Variants in GPR158 observed in about 807,000 individuals in gnomAD.
GPR158 encodes the protein metabotropic glycine receptor.
Under a neutral mutation model 78.2 loss-of-function variants are expected in GPR158, and 30 were observed. The observed-to-expected ratio is 0.38, with a 90% CI of 0.29 to 0.52. The LOEUF is 0.52. GPR158 is among the 20% of genes least tolerant of loss of function. The probability of loss-of-function intolerance (pLI) is 0.83; values close to 1 mark genes in which losing one functional copy is unlikely to be tolerated. For missense variants in GPR158, 1,463 were observed against 1,523.5 expected (o/e 0.96, Z 0.66); for synonymous variants, 581 against 591.1 (o/e 0.98, Z 0.25).
intron 2 of GPR158, among the ~76,000 whole-genome samples, chr10:25,238,914 T>A (rs1377010088): frequency 2.0e-5 from 3 of 152,244 alleles, no homozygotes; most frequent in South Asian, 4.1e-4. Context: ...TGAGGACATG[T>A]GATCCTTCCT....
intron 2 of GPR158, among the ~76,000 whole-genome samples, chr10:25,317,051 AT>A (rs111929383): frequency 0.015 from 2,131 of 141,534 alleles, 40 homozygotes; most frequent in African/African-American, 0.044. Context: ...TTTTAAAGTA[AT>A]TTTTTTTTTT....
At chr10:25,581,217 C>T (rs1194696145) in intron 7 of GPR158, among the ~76,000 whole-genome samples, 1 of 152,106 alleles carries the variant, frequency 6.6e-6, no homozygotes, top group African/African-American at 2.4e-5. Context: ...CTTGAGCCAC[C>T]GCGCCCGGCG....
chr10:25,570,054 G>A (rs1418813162), intron 6 of GPR158, among the ~76,000 whole-genome samples: 1 of 152,160 alleles, frequency 6.6e-6, no homozygotes, highest in South Asian at 2.1e-4. Context: ...TCTGGAGAAT[G>A]TAGTCATTCA....
chr10:25,375,906 C>T (rs1249936446), intron 2 of GPR158, among the ~76,000 whole-genome samples: 1 of 151,362 alleles, frequency 6.6e-6, no homozygotes, highest in African/African-American at 2.4e-5. Flanking sequence ...AATAAGGTTC[C>T]TTATGTATAC....
At chr10:25,368,530 G>T (rs76842407) in intron 2 of GPR158, among the ~76,000 whole-genome samples, 9 of 151,764 alleles carry the variant, frequency 5.9e-5, no homozygotes, top group Non-Finnish European at 1.3e-4. Flanking sequence ...CAAAACCACA[G>T]TGAGATACCA....
intron 2 of GPR158, among the ~76,000 whole-genome samples, chr10:25,252,314 C>G (rs1020107330): frequency 6.6e-6 from 1 of 152,104 alleles, no homozygotes; most frequent in Non-Finnish European, 1.5e-5. Flanking sequence ...TCTCTCAGCT[C>G]GTCAAAGTCA....
At chr10:25,583,264 C>T (rs1037831426) in intron 7 of GPR158, among the ~76,000 whole-genome samples, 1 of 152,114 alleles carries the variant, frequency 6.6e-6, no homozygotes, top group Non-Finnish European at 1.5e-5. Flanking sequence ...ACTTTAAGGC[C>T]AGCAGAATAA....
chr10:25,369,881 C>T (rs1588829691), intron 2 of GPR158, among the ~76,000 whole-genome samples: 2 of 152,050 alleles, frequency 1.3e-5, no homozygotes, highest in East Asian at 3.9e-4. Context: ...CAACTTCTTC[C>T]TGGTTTAGTC....
In GPR158 at chr10:25,597,844, C is replaced by T; in HGVS notation, c.2218C>T (p.Leu740Phe). 1 of 1,542,252 alleles carries T rather than the reference C, an allele frequency of 6.5e-7. No individual in the cohort carries two copies. Reference sequence around the variant, plus strand: ...GAAGATGATCACAAACAACCCCCACCTCCAGAAAAAGCGGTGCTCGAAGAA... The same window carrying T: ...GAAGATGATCACAAACAACCCCCACTTCCAGAAAAAGCGGTGCTCGAAGAA... Reference protein sequence around the residue: ...RKKMITNNPHLQKKRCSKKGL... With the variant: ...RKKMITNNPHFQKKRCSKKGL... The change falls in exon 11 of 11, where the codon CTC becomes TTC. Residue 740 changes from leucine to phenylalanine, a missense_variant. Leu to Phe is a conservative substitution (Grantham distance 22). Coordinates refer to ENST00000376351, the MANE Select transcript of GPR158 (RefSeq NM_020752.3).
intron 2 of GPR158, among the ~76,000 whole-genome samples, chr10:25,287,532 G>A (rs1854369573): frequency 6.6e-6 from 1 of 152,134 alleles, no homozygotes; most frequent in African/African-American, 2.4e-5. Flanking sequence ...CATGCAGGTG[G>A]TGTGAATCTC....
intron 6 of GPR158, among the ~76,000 whole-genome samples, chr10:25,559,757 A>G (rs1397420290): frequency 6.6e-6 from 1 of 152,198 alleles, no homozygotes; most frequent in Non-Finnish European, 1.5e-5. Context: ...AACTAGTGCT[A>G]TTTAGATGGT....
Position 25,551,059 on chromosome 10 carries a change from C to T in GPR158, c.1488C>T (p.Tyr496=), listed in dbSNP as rs150342987. The T allele has an allele frequency of 1.0e-5, 16 of 1,594,936 alleles. No individual in the cohort carries two copies. The highest frequency in any genetic ancestry group is 4.0e-5 in the African/African-American group (3 of 74,472). Residue 496 remains tyrosine, a synonymous_variant, in exon 6 of 11, where the codon TAC becomes TAT. Coordinates refer to ENST00000376351, the MANE Select transcript of GPR158 (RefSeq NM_020752.3). ...GTCTTCTCGGTTTTGCTACTGTTTA[C>T]GGAACTGTCACTCTCAAACTTCACA... The part of the protein sequence containing the change: ...WARLLGFATV[Y]GTVTLKLHRV...
At chr10:25,477,015 A>G (rs768703927) in intron 5 of GPR158, among the ~76,000 whole-genome samples, 1 of 152,146 alleles carries the variant, frequency 6.6e-6, no homozygotes, top group Non-Finnish European at 1.5e-5. Context: ...CCAACCTAAC[A>G]TCAGGTTGGT....
intron 2 of GPR158, among the ~76,000 whole-genome samples, chr10:25,382,393 TAAG>T (rs1227766740): frequency 6.7e-6 from 1 of 150,196 alleles, no homozygotes; most frequent in Non-Finnish European, 1.5e-5. Context: ...CCATCGAACA[TAAG>T]AACATTTCAA....
At chr10:25,253,341 C>T (rs373982435) in intron 2 of GPR158, among the ~76,000 whole-genome samples, 5 of 152,244 alleles carry the variant, frequency 3.3e-5, no homozygotes, top group Admixed American at 1.3e-4. Context: ...CACCTCCCCC[C>T]AATTTATTCT....
intron 5 of GPR158, among the ~76,000 whole-genome samples, chr10:25,475,000 A>G (rs1463270683): frequency 1.3e-5 from 2 of 152,182 alleles, no homozygotes; most frequent in Non-Finnish European, 1.5e-5. Flanking sequence ...AAATGGTTGT[A>G]TTAATGAGCA....
chr10:25,252,992 C>A (rs1272116639), intron 2 of GPR158, among the ~76,000 whole-genome samples: 1 of 152,332 alleles, frequency 6.6e-6, no homozygotes, highest in South Asian at 2.1e-4. Context: ...ACCCTCAGAG[C>A]CAGGTGTGGG....
intron 2 of GPR158, among the ~76,000 whole-genome samples, chr10:25,224,195 A>G (rs2130686660): frequency 6.6e-6 from 1 of 152,266 alleles, no homozygotes. Context: ...ATCCTCTCCT[A>G]CAGAATGGTT....
intron 8 of GPR158, 40 bp downstream of exon 8, chr10:25,589,185 T>C (rs773191806): frequency 6.9e-7 from 1 of 1,454,096 alleles, no homozygotes; most frequent in Non-Finnish European, 9.5e-7. Flanking sequence ...TATTTTATTT[T>C]TCTGATGTGT....
Sources: gnomAD v4.1 joint callset for allele counts (sites outside exome capture counted in the v4.1 genomes callset) on GRCh38, gnomAD v4.1.1 for gene constraint, MANE v1.5 for transcripts, NCBI Gene and HGNC (gene_info 2026-07-23, HGNC 2026-07-21) for gene names.